IPPK: variants seen among roughly 807,000 people sequenced by gnomAD.
IPPK encodes the protein IPK1 homolog.
Under a neutral mutation model 64.6 loss-of-function variants are expected in IPPK, and 22 were observed. The observed-to-expected ratio is 0.34, with a 90% CI of 0.24 to 0.49. The LOEUF (loss-of-function observed/expected upper bound fraction) is 0.49, where lower values mean the gene tolerates loss of function less well. Ranked by LOEUF, IPPK falls within the 20% of genes least tolerant of loss-of-function variation. The pLI is 0.99. For missense variants in IPPK, 532 were observed against 630.7 expected (o/e 0.84, Z 1.68); for synonymous variants, 262 against 247.2 (o/e 1.06, Z -0.56).
chr9:92,619,472 AGT>A lies in IPPK; in HGVS notation c.1250+12_1250+13del, dbSNP rs777560885. ...GTTAGACCCAGGCTGCATGCCTTGC[AGT>A]GGGGGCCTCACCTGGCATCCTGCAG... is the stretch of plus-strand genomic sequence containing the variant. On this transcript the variant is annotated intron_variant, in intron 12 of 12. Transcript: ENST00000287996. 3.2e-6 allele frequency: 5 copies of A among 1,573,886 alleles called. No homozygotes were observed. Among genetic ancestry groups the A allele is most frequent in the Non-Finnish European group, 4.3e-6 (5 of 1,158,320 alleles).
chr9:92,649,306 G>A, intron 5 of IPPK, 147 bp downstream of exon 5: 1 of 876,190 alleles, frequency 1.1e-6, no homozygotes, highest in Non-Finnish European at 1.8e-6. Flanking sequence ...GCTGTGGAAG[G>A]ACAGAAACAA....
At position 92,640,774 on chromosome 9, in the gene IPPK, T is replaced by C. The variant is rs1413557367; in HGVS notation, c.572A>G (p.Gln191Arg). The change falls in exon 8 of 13, where the codon CAG (glutamine) becomes CGG (arginine). Residue 191 changes from glutamine (Q) to arginine (R), a missense_variant. Coordinates refer to ENST00000287996, the MANE Select transcript of IPPK (RefSeq NM_022755.6). ...ACTCTTCAAGGCAAAGTGCATTCTC[T>C]GTTTGTTTCTAAAAGGGAAAAGCAT... ...CPLDLYSGNK[Q>R]RMHFALKSLL... 2 of 1,611,042 alleles carry C rather than the reference T, an allele frequency of 1.2e-6. No homozygotes were observed. Among genetic ancestry groups the C allele is most frequent in the African/African-American group, 1.3e-5 (1 of 74,980 alleles).
At chr9:92,631,274 C>T (rs953953718) in intron 11 of IPPK, among the ~76,000 whole-genome samples, 4 of 150,244 alleles carry the variant, frequency 2.7e-5, no homozygotes, top group Non-Finnish European at 4.4e-5. Context: ...TGGCTCACTG[C>T]AGCCTCCACC....
rs1449263354 is a variant in IPPK, at chr9:92,616,118, G to A, written c.1251-61C>T. ...CCCCCCATTCATTTCCCTCCCTCCC[G>A]TTCTCTCTCCCTTTCTTCTTTCAAC... On this transcript the variant is annotated intron_variant, in intron 12 of 12. Transcript: ENST00000287996. The A allele has an allele frequency of 2.3e-5, 26 of 1,150,200 alleles. 1 individual carries two copies. Among genetic ancestry groups the A allele is most frequent in the East Asian group, 1.5e-4 (6 of 40,154 alleles). 71.2% of individuals were successfully genotyped at this position (1,150,200 alleles called of 1,614,324 possible). A position where few individuals can be genotyped will look rare whatever the true frequency, so the allele number is the denominator to read the frequency against.
At chr9:92,616,141 A>G in intron 12 of IPPK, 84 bp from the exon 13 acceptor site, 1 of 896,796 alleles carries the variant, frequency 1.1e-6, no homozygotes, top group East Asian at 2.6e-5. Flanking sequence ...TTCTTCTTTC[A>G]ACTAGTATGT....
intron 11 of IPPK, among the ~76,000 whole-genome samples, chr9:92,625,090 A>G (rs1427747975): frequency 6.6e-6 from 1 of 152,206 alleles, no homozygotes; most frequent in Admixed American, 6.5e-5. Flanking sequence ...TCCATGTCCA[A>G]ATATAAGTGG....
rs572907883 is a variant in IPPK, at chr9:92,621,789, T to C, written c.1171-2224A>G. Among the ~76,000 whole-genome samples, 45 of 152,252 alleles carry C rather than the reference T, an allele frequency of 3.0e-4. 1 individual carries two copies. The Middle Eastern group carries it at 0.014, about 46-fold the overall frequency. ...ACCTTGGCCTCCCAAAGTGTTGGGA[T>C]TACAGGTGTGAGCCACTGAACCCAG... On this transcript the variant is annotated intron_variant, in intron 11 of 12. Coordinates refer to ENST00000287996, the MANE Select transcript of IPPK (RefSeq NM_022755.6).
In IPPK at chr9:92,635,178, C is replaced by T; in HGVS notation, c.1047G>A (p.Leu349=). The change falls in exon 10 of 13, where the codon CTG becomes CTA. Residue 349 remains leucine (L), a synonymous_variant. Transcript: ENST00000287996. The surrounding 1 kb of genome is among the most constrained non-coding windows in gnomAD (Gnocchi z 4.4). ...YPLYNRVERY[L]EEFPEERKTL... is the part of the protein sequence containing the mutation. ...CTCACCTCTCCTCGGGAAACTCTTCCAGGTATCGCTCAACCCGGTTGTACA... is the reference window on the plus strand; with the variant it reads ...CTCACCTCTCCTCGGGAAACTCTTCTAGGTATCGCTCAACCCGGTTGTACA... 1 of 1,613,310 alleles carries T rather than the reference C, an allele frequency of 6.2e-7. No individual in the cohort carries two copies. Among genetic ancestry groups the T allele is most frequent in the Non-Finnish European group, 8.5e-7 (1 of 1,179,564 alleles).
At chr9:92,650,338 C>A (rs900622937) in intron 4 of IPPK, among the ~76,000 whole-genome samples, 6 of 150,702 alleles carry the variant, frequency 4.0e-5, no homozygotes, top group African/African-American at 9.7e-5. Flanking sequence ...AAAAAAAAAA[C>A]AAAAACAAAA....
intron 11 of IPPK, among the ~76,000 whole-genome samples, chr9:92,628,959 T>C (rs1851782506): frequency 6.6e-6 from 1 of 151,856 alleles, no homozygotes; most frequent in South Asian, 2.1e-4. Flanking sequence ...GGTGTTACGG[T>C]GCACACCTAT....
chr9:92,648,281 A>T, intron 5 of IPPK, 133 bp from the exon 6 acceptor site: 1 of 672,106 alleles, frequency 1.5e-6, no homozygotes, highest in Non-Finnish European at 2.6e-6. Flanking sequence ...AGCTGTTTTC[A>T]TTTGCACCTC....
chr9:92,650,925 C>T (rs1852254981), intron 4 of IPPK, among the ~76,000 whole-genome samples: 1 of 152,156 alleles, frequency 6.6e-6, no homozygotes, highest in Non-Finnish European at 1.5e-5. Flanking sequence ...CAGGGACAGG[C>T]TTTCCTCCTT....
At chr9:92,664,208 C>G (rs552830353) in intron 1 of IPPK, among the ~76,000 whole-genome samples, 1 of 152,346 alleles carries the variant, frequency 6.6e-6, no homozygotes, top group African/African-American at 2.4e-5. Flanking sequence ...GAACAAGAAG[C>G]AGGGCTTACG....
At chr9:92,659,051 C>T (rs189802318) in intron 1 of IPPK, among the ~76,000 whole-genome samples, 2 of 152,308 alleles carry the variant, frequency 1.3e-5, no homozygotes, top group Non-Finnish European at 2.9e-5. Context: ...TCAGTACTTA[C>T]GGACACAGAT....
At chr9:92,626,484 G>T (rs1311785672) in intron 11 of IPPK, among the ~76,000 whole-genome samples, 4 of 152,148 alleles carry the variant, frequency 2.6e-5, no homozygotes, top group Non-Finnish European at 5.9e-5. Context: ...CAATGAACTG[G>T]AAGATAGAGC....
chr9:92,658,908 C>G (rs1852426594), intron 1 of IPPK, among the ~76,000 whole-genome samples: 1 of 152,206 alleles, frequency 6.6e-6, no homozygotes, highest in Non-Finnish European at 1.5e-5. Flanking sequence ...CAGCCCCTCC[C>G]AGGACTTTAT....
At chr9:92,619,912 C>G in intron 11 of IPPK, 1 of 313,892 alleles carries the variant, frequency 3.2e-6, no homozygotes, top group South Asian at 4.1e-5. Flanking sequence ...ACCTGAGCCC[C>G]GCATGTTGGC....
intron 11 of IPPK, among the ~76,000 whole-genome samples, chr9:92,621,750 C>T (rs1197127180): frequency 1.3e-5 from 2 of 152,140 alleles, no homozygotes; most frequent in Non-Finnish European, 2.9e-5. Flanking sequence ...CTCCTGAGCT[C>T]AAGTGATCCT....
At chr9:92,651,470 G>A (rs941182213) in intron 4 of IPPK, among the ~76,000 whole-genome samples, 2 of 152,256 alleles carry the variant, frequency 1.3e-5, no homozygotes, top group Non-Finnish European at 2.9e-5. Flanking sequence ...GGAAGGTGAT[G>A]CCACAGAAGG....
Sources: gnomAD v4.1 joint callset for allele counts (sites outside exome capture counted in the v4.1 genomes callset) on GRCh38, gnomAD v4.1.1 for gene constraint, Gnocchi (gnomAD v3.1) non-coding constraint, MANE v1.5 for transcripts, NCBI Gene and HGNC (gene_info 2026-07-23, HGNC 2026-07-21) for gene names.